PEX2: variants seen among roughly 807,000 people sequenced by gnomAD.
PEX2 encodes peroxisomal biogenesis factor 2, also known as peroxisome biogenesis factor 2.
PEX2 carries 19 observed loss-of-function variants against 25.2 expected under a neutral mutation model. The ratio of observed to expected loss-of-function variants is 0.75; its 90% CI spans 0.53 to 1.10. The LOEUF (loss-of-function observed/expected upper bound fraction) is 1.10, where lower values mean the gene tolerates loss of function less well. PEX2 is among the 50% of genes least tolerant of loss of function. The pLI, the probability that PEX2 is intolerant of heterozygous loss-of-function variation, is 0.00. For synonymous variants in PEX2, 141 were observed against 127.7 expected, an observed-to-expected ratio of 1.10 and a Z score of -0.70; for missense variants, 347 against 350.6, an observed-to-expected ratio of 0.99 and a Z score of 0.08.
upstream of PEX2, chr8:77,000,201 TG>T (rs987197530): frequency 7.1e-6 from 2 of 279,902 alleles, no homozygotes; most frequent in African/African-American, 4.6e-5. Flanking sequence ...AGGCACTGGA[TG>T]GCCAAACAAC....
At chr8:77,000,465 G>A (rs574072885), upstream of PEX2, among the ~76,000 whole-genome samples, 9 of 151,966 alleles carry the variant, frequency 5.9e-5, no homozygotes, top group South Asian at 2.1e-4. Context: ...GGCGCCGCCG[G>A]GTGGCGGCGA....
chr8:76,985,330 T>C (rs750706131), intron 3 of PEX2, among the ~76,000 whole-genome samples: 60 of 152,154 alleles, frequency 3.9e-4, no homozygotes, highest in Non-Finnish European at 2.9e-4. Context: ...ATGGGAGATA[T>C]TAGTCAAAGG....
At chr8:76,991,764 T>G (rs1037240948) in intron 1 of PEX2, among the ~76,000 whole-genome samples, 1 of 152,196 alleles carries the variant, frequency 6.6e-6, no homozygotes, top group South Asian at 2.1e-4. Context: ...AAAAACTTCA[T>G]TAGCCTCGGA....
chr8:76,982,635 C>A lies in PEX2; in HGVS notation c.*626G>T, dbSNP rs1221263888. The A allele has an allele frequency of 6.5e-6, 1 of 153,372 alleles. No homozygotes were observed. The highest frequency in any genetic ancestry group is 1.4e-5 in the Non-Finnish European group (1 of 69,088). The allele number at this position is 153,372 out of a possible 1,614,324, so 9.5% of individuals were successfully genotyped here. ...GACCATCCTGGCTAACACAGTGAACCCCATCTCTACTAAAAATACAAAAAT... is the reference window on the plus strand; with the variant it reads ...GACCATCCTGGCTAACACAGTGAACACCATCTCTACTAAAAATACAAAAAT... On this transcript the variant is annotated 3_prime_UTR_variant, in exon 4 of 4. Transcript: ENST00000357039.
chr8:76,983,830 C>T lies in PEX2; in HGVS notation c.349G>A (p.Glu117Lys). Reference protein sequence around the residue: ...AVCTIGGRWLEERCYDLFRNH... With the variant: ...AVCTIGGRWLKERCYDLFRNH... ...CGAAACAAATCATAGCATCGTTCTTCTAACCACCTGCCACCAATTGTACAA... is the reference window on the plus strand; with the variant it reads ...CGAAACAAATCATAGCATCGTTCTTTTAACCACCTGCCACCAATTGTACAA... The change falls in exon 4 of 4, where the codon GAA (glutamate) becomes AAA (lysine). Residue 117 changes from glutamate (E) to lysine (K), a missense_variant. By Grantham distance (56) the Glu-to-Lys change is moderately conservative. Transcript: ENST00000357039. 1 of 1,614,200 alleles carries T rather than the reference C, an allele frequency of 6.2e-7. No individual in the cohort carries two copies. Among genetic ancestry groups the T allele is most frequent in the East Asian group, 2.2e-5 (1 of 44,878 alleles).
chr8:76,993,425 G>A (rs1401206949), intron 1 of PEX2, among the ~76,000 whole-genome samples: 1 of 152,042 alleles, frequency 6.6e-6, no homozygotes, highest in Non-Finnish European at 1.5e-5. Flanking sequence ...TGGAAATCAA[G>A]AGGAAGACTA....
Position 76,982,964 on chromosome 8 carries a change from TAAG to T in PEX2, c.*294_*296del. On this transcript the variant is annotated 3_prime_UTR_variant, in exon 4 of 4. Coordinates refer to ENST00000357039, the MANE Select transcript of PEX2 (RefSeq NM_000318.3). ...TTATCTTTAGAATCCAACCTTGTTT[TAAG>T]AAGTAGTAAAATGAAGGAGCATTGT... 1 of 563,476 alleles carries T rather than the reference TAAG, an allele frequency of 1.8e-6. No individual in the cohort carries two copies. Among genetic ancestry groups the T allele is most frequent in the Non-Finnish European group, 2.7e-6 (1 of 366,910 alleles). The allele number at this position is 563,476 out of a possible 1,614,324, so 34.9% of individuals were successfully genotyped here.
intron 1 of PEX2, among the ~76,000 whole-genome samples, chr8:76,995,311 T>A (rs1356458824): frequency 6.6e-6 from 1 of 152,216 alleles, no homozygotes; most frequent in East Asian, 1.9e-4. Context: ...GACCTCTAAA[T>A]TACTTTTAAC....
chr8:76,996,760 A>T (rs1011735400), intron 1 of PEX2, among the ~76,000 whole-genome samples: 1 of 152,152 alleles, frequency 6.6e-6, no homozygotes, highest in Non-Finnish European at 1.5e-5. Flanking sequence ...CATGTGATAC[A>T]TATCATGTAC....
rs547983856 is a variant in PEX2, at chr8:76,982,270, T to C, written c.*991A>G. Reference sequence around the variant, plus strand: ...TTATGCACTGCTGTTACTATTCCCATGCTAAAGACCCCTTTTGTTTCAATA... The same window carrying C: ...TTATGCACTGCTGTTACTATTCCCACGCTAAAGACCCCTTTTGTTTCAATA... On this transcript the variant is annotated 3_prime_UTR_variant, in exon 4 of 4. Transcript: ENST00000357039. 36 of 152,316 alleles carry C rather than the reference T, an allele frequency of 2.4e-4. No homozygotes were observed. The highest frequency in any genetic ancestry group is 8.4e-4 in the African/African-American group (35 of 41,564). The allele number at this position is 152,316 out of a possible 1,614,324, so 9.4% of individuals were successfully genotyped here. A position where few individuals can be genotyped will look rare whatever the true frequency, so the allele number is the denominator to read the frequency against.
At chr8:76,998,869 G>C (rs1244613920) in intron 1 of PEX2, among the ~76,000 whole-genome samples, 1 of 151,988 alleles carries the variant, frequency 6.6e-6, no homozygotes, top group Admixed American at 6.6e-5. Context: ...AAGGCAACTA[G>C]AGTCAGGACT....
intron 1 of PEX2, among the ~76,000 whole-genome samples, chr8:76,998,155 T>C (rs573593226): frequency 6.6e-5 from 10 of 152,334 alleles, no homozygotes; most frequent in Non-Finnish European, 1.3e-4. Flanking sequence ...CCTTGTGCTA[T>C]TGGAACCTGA....
At chr8:76,986,461 T>G (rs897683540) in intron 2 of PEX2, 165 bp from the exon 3 acceptor site, 4 of 152,380 alleles carry the variant, frequency 2.6e-5, no homozygotes, top group Admixed American at 2.6e-4. Context: ...TGCTCTCCTC[T>G]CTCATGGATT....
At chr8:76,990,154 A>G (rs1390450080) in intron 1 of PEX2, among the ~76,000 whole-genome samples, 1 of 152,202 alleles carries the variant, frequency 6.6e-6, no homozygotes, top group Non-Finnish European at 1.5e-5. Flanking sequence ...CTCACGAACC[A>G]ACCTCTGCTA....
chr8:76,991,845 A>G (rs903634625), intron 1 of PEX2, among the ~76,000 whole-genome samples: 8 of 152,190 alleles, frequency 5.3e-5, no homozygotes, highest in Admixed American at 1.3e-4. Flanking sequence ...TAATGTTACG[A>G]AAGTGGTTTA....
Position 76,983,460 on chromosome 8 carries a change from C to T in PEX2, c.719G>A (p.Ser240Asn). The T allele has an allele frequency of 1.2e-6, 2 of 1,614,168 alleles. No homozygotes were observed. Among genetic ancestry groups the T allele is most frequent in the Non-Finnish European group, 1.7e-6 (2 of 1,180,044 alleles). Residue 240 changes from serine (S) to asparagine (N), a missense_variant, in exon 4 of 4, where the codon AGT (serine) becomes AAT (asparagine). Ser to Asn is a conservative substitution (Grantham distance 46, BLOSUM62 1). Coordinates refer to ENST00000357039, the MANE Select transcript of PEX2 (RefSeq NM_000318.3). ...TCCACATAGAGCGCATTCTTTGCCA[C>T]TGGTGGCTAATGTATTGTCACTATT... Reference protein sequence around the residue: ...APNSDNTLATSGKECALCGEW... With the variant: ...APNSDNTLATNGKECALCGEW...
intron 1 of PEX2, among the ~76,000 whole-genome samples, chr8:76,990,811 TA>T (rs1314532212): frequency 2.0e-5 from 3 of 151,730 alleles, no homozygotes; most frequent in African/African-American, 4.8e-5. Flanking sequence ...AATATCATAA[TA>T]AAAAAAAGTC....
chr8:76,996,671 C>T (rs1440723680), intron 1 of PEX2, among the ~76,000 whole-genome samples: 1 of 152,094 alleles, frequency 6.6e-6, no homozygotes, highest in Non-Finnish European at 1.5e-5. Flanking sequence ...CATTTAATTG[C>T]ACATTTTATG....
chr8:76,985,572 T>G (rs1190375922), intron 3 of PEX2, among the ~76,000 whole-genome samples: 1 of 152,134 alleles, frequency 6.6e-6, no homozygotes, highest in African/African-American at 2.4e-5. Flanking sequence ...CATTGCACAC[T>G]TTGAATATAT....
Sources: gnomAD v4.1 joint callset for allele counts (sites outside exome capture counted in the v4.1 genomes callset) on GRCh38, gnomAD v4.1.1 for gene constraint, MANE v1.5 for transcripts, NCBI Gene and HGNC (gene_info 2026-07-23, HGNC 2026-07-21) for gene names.